Variants in MME observed in about 807,000 individuals in gnomAD.
MME encodes the protein membrane metalloendopeptidase, also known as neprilysin.
Under a neutral mutation model 113.2 loss-of-function variants are expected in MME, and 98 were observed. The ratio of observed to expected loss-of-function variants is 0.87; its 90% CI spans 0.74 to 1.02. The LOEUF is 1.02. Ranked by LOEUF, MME falls within the 50% of genes least tolerant of loss-of-function variation. MME has a pLI of 0.00. For synonymous variants in MME, 292 were observed against 300.6 expected (o/e 0.97, Z 0.30); for missense variants, 836 against 896.0 (o/e 0.93, Z 0.86).
In MME at chr3:155,161,292, G is replaced by A. The variant is rs530400730; in HGVS notation, c.1660+844G>A. 2.0e-5 allele frequency among the ~76,000 whole-genome samples: 3 copies of A among 152,070 alleles called. No homozygotes were observed. The South Asian group carries it at 6.2e-4, about 32-fold the overall frequency. On this transcript the variant is annotated intron_variant, in intron 17 of 22. Coordinates refer to ENST00000360490, the MANE Select transcript of MME (RefSeq NM_007289.4). Reference sequence around the variant, plus strand: ...ATATTCTAAACAAATAGTAGAGCAAGCTTCTGCAGGTGCACTCAGTTCTCC... The same window carrying A: ...ATATTCTAAACAAATAGTAGAGCAAACTTCTGCAGGTGCACTCAGTTCTCC...
At chr3:155,148,086 T>C (rs976303931) in intron 15 of MME, among the ~76,000 whole-genome samples, 1 of 152,130 alleles carries the variant, frequency 6.6e-6, no homozygotes, top group Non-Finnish European at 1.5e-5. Context: ...CTAAACTATA[T>C]CTCAGTTTCC....
At chr3:155,178,151 T>C (rs775696956) in intron 22 of MME, among the ~76,000 whole-genome samples, 1 of 152,132 alleles carries the variant, frequency 6.6e-6, no homozygotes, top group African/African-American at 2.4e-5. Flanking sequence ...TGGACTAATA[T>C]ATAAATTCCC....
upstream of MME, among the ~76,000 whole-genome samples, chr3:155,074,747 T>G (rs1004082450): frequency 3.3e-5 from 5 of 152,118 alleles, no homozygotes; most frequent in Non-Finnish European, 5.9e-5. Context: ...ATGTGTTATT[T>G]TAAGGTGTTT....
intron 3 of MME, among the ~76,000 whole-genome samples, chr3:155,089,487 A>G (rs372041583): frequency 3.9e-5 from 6 of 152,308 alleles, no homozygotes; most frequent in African/African-American, 9.6e-5. Flanking sequence ...TACCAACTAG[A>G]TGTCCAGTAG....
intron 22 of MME, among the ~76,000 whole-genome samples, chr3:155,174,699 C>A (rs1279390102): frequency 6.6e-6 from 1 of 152,044 alleles, no homozygotes; most frequent in Non-Finnish European, 1.5e-5. Context: ...AAAGCTGCAT[C>A]ATAAAACCAT....
intron 2 of MME, 159 bp downstream of exon 2, chr3:155,084,486 A>C: frequency 1.3e-6 from 1 of 758,740 alleles, no homozygotes; most frequent in Non-Finnish European, 2.2e-6. Flanking sequence ...TGTCAAAATA[A>C]TTAACTTTGA....
At chr3:155,069,766 AG>A (rs1714494641) in intron 1 of MME, among the ~76,000 whole-genome samples, 1 of 152,170 alleles carries the variant, frequency 6.6e-6, no homozygotes, top group African/African-American at 2.4e-5. Flanking sequence ...ATGAGTAAAA[AG>A]CAATACCATC....
intron 2 of MME, 158 bp downstream of exon 2, chr3:155,084,485 A>G: frequency 2.6e-6 from 2 of 765,994 alleles, no homozygotes; most frequent in Non-Finnish European, 4.3e-6. Flanking sequence ...ATGTCAAAAT[A>G]ATTAACTTTG....
chr3:155,132,259 C>T lies in MME; in HGVS notation c.721-5843C>T, dbSNP rs111271247. 2.7e-3 allele frequency among the ~76,000 whole-genome samples: 404 copies of T among 152,288 alleles called. 1 individual carries two copies. Among genetic ancestry groups the T allele is most frequent in the Middle Eastern group, 6.8e-3 (2 of 294 alleles). On this transcript the variant is annotated intron_variant, in intron 8 of 22. Transcript: ENST00000360490. ...TCAAATGGCATTCATTTGCTCTCTT[C>T]CTCTTTGGCAAATCTAACAAACATC... is the stretch of plus-strand genomic sequence containing the variant.
rs61758191 is a variant in MME at position 155,140,397 on chromosome 3, G to A, written c.957+105G>A. 827 of 575,198 alleles carry A rather than the reference G, an allele frequency of 1.4e-3. 1 individual carries two copies. The highest frequency in any genetic ancestry group is 4.5e-3 in the South Asian group (258 of 57,804). The allele number at this position is 575,198 out of a possible 1,614,324, so 35.6% of individuals were successfully genotyped here. A position where few individuals can be genotyped will look rare whatever the true frequency, so the allele number is the denominator to read the frequency against. On this transcript the variant is annotated intron_variant, in intron 10 of 22. Transcript: ENST00000360490. ...CAAGTTTTTATTTATTGAAGTAAAT[G>A]GGACTTCAATTCCTTTTTTTTTTTT... is the stretch of plus-strand genomic sequence containing the variant.
At chr3:155,123,825 G>A (rs1377743878) in intron 8 of MME, among the ~76,000 whole-genome samples, 2 of 75,044 alleles carry the variant, frequency 2.7e-5, no homozygotes, top group East Asian at 3.5e-4. Context: ...AGGGTAACCC[G>A]ACCTTTCTCT....
At chr3:155,179,701 G>T (rs1712892710) in intron 22 of MME, among the ~76,000 whole-genome samples, 1 of 152,150 alleles carries the variant, frequency 6.6e-6, no homozygotes, top group Non-Finnish European at 1.5e-5. Flanking sequence ...CTCAAACACT[G>T]CTAGGTGCAG....
chr3:155,095,794 G>A (rs902933287), intron 3 of MME, among the ~76,000 whole-genome samples: 1 of 152,126 alleles, frequency 6.6e-6, no homozygotes, highest in Admixed American at 6.6e-5. Context: ...AACCTGGTCA[G>A]TGTGACAGAC....
intron 3 of MME, among the ~76,000 whole-genome samples, chr3:155,096,540 G>A (rs1433651262): frequency 6.6e-6 from 1 of 152,092 alleles, no homozygotes; most frequent in African/African-American, 2.4e-5. Context: ...AGCGGTGGGA[G>A]GTCACAGAAG....
chr3:155,078,422 T>A (rs191105794), upstream of MME, among the ~76,000 whole-genome samples: 24 of 152,282 alleles, frequency 1.6e-4, no homozygotes, highest in Non-Finnish European at 2.9e-4. Context: ...TTAATCGAAT[T>A]ATTTAAAGAT....
intron 22 of MME, among the ~76,000 whole-genome samples, chr3:155,172,892 C>T (rs1227960680): frequency 6.6e-6 from 1 of 152,064 alleles, no homozygotes; most frequent in Non-Finnish European, 1.5e-5. Context: ...CGCCTCAGAA[C>T]AGTGGCTCAA....
At chr3:155,069,902 T>C (rs1714498622) in intron 1 of MME, among the ~76,000 whole-genome samples, 1 of 152,150 alleles carries the variant, frequency 6.6e-6, no homozygotes, top group South Asian at 2.1e-4. Context: ...AAGGACCTTA[T>C]TGAGAACTGC....
intron 1 of MME, among the ~76,000 whole-genome samples, chr3:155,059,318 C>T (rs1426218784): frequency 1.4e-5 from 2 of 147,940 alleles, no homozygotes; most frequent in Non-Finnish European, 3.0e-5. Flanking sequence ...ATAAGGTTAG[C>T]ATATTGATAT....
intron 17 of MME, 133 bp from the exon 18 acceptor site, chr3:155,166,769 T>C (rs1723126468): frequency 1.1e-5 from 12 of 1,119,468 alleles, no homozygotes; most frequent in Non-Finnish European, 1.6e-5. Flanking sequence ...AAGCCTGCCA[T>C]CACTGAATAA....
Sources: gnomAD v4.1 joint callset for allele counts (sites outside exome capture counted in the v4.1 genomes callset) on GRCh38, gnomAD v4.1.1 for gene constraint, MANE v1.5 for transcripts, NCBI Gene and HGNC (gene_info 2026-07-23, HGNC 2026-07-21) for gene names.